The following CTNNA3 variants were observed in gnomAD, a reference collection of about 807,000 sequenced individuals.
CTNNA3 encodes catenin alpha 3.
A neutral mutation model predicts 95.7 loss-of-function variants in CTNNA3; 76 were observed. The observed-to-expected ratio is 0.79, with a 90% CI of 0.66 to 0.96. The LOEUF (loss-of-function observed/expected upper bound fraction) is 0.96. Among genes scored for constraint, CTNNA3 ranks in the 40% least tolerant of loss-of-function variants. CTNNA3 has a pLI of 0.00. For synonymous variants in CTNNA3, 431 were observed against 374.4 expected (o/e 1.15, Z -1.74); for missense variants, 1,191 against 1,089.8 (o/e 1.09, Z -1.31).
chr10:67,219,488 T>C (rs945242115), intron 6 of CTNNA3, 119 bp downstream of exon 6: 1 of 1,127,562 alleles, frequency 8.9e-7, no homozygotes, highest in Non-Finnish European at 1.2e-6. Context: ...TGATAGAGAC[T>C]AATCTGGATT....
chr10:67,241,560 C>T (rs1865718521), intron 5 of CTNNA3, among the ~76,000 whole-genome samples: 2 of 152,094 alleles, frequency 1.3e-5, no homozygotes, highest in Admixed American at 6.5e-5. Context: ...TTTAAGTTTT[C>T]TTGTGAGAAA....
intron 12 of CTNNA3, among the ~76,000 whole-genome samples, chr10:66,319,033 G>C (rs1034986792): frequency 6.6e-6 from 1 of 151,888 alleles, no homozygotes; most frequent in African/African-American, 2.4e-5. Flanking sequence ...TTAAGAAATC[G>C]AGTTATTAAA....
chr10:65,950,736 C>T (rs10996788), intron 17 of CTNNA3, among the ~76,000 whole-genome samples: 4,567 of 152,176 alleles, frequency 0.03, 88 homozygotes, highest in Middle Eastern at 0.075. Flanking sequence ...TAAATTCAGG[C>T]AAAATTCCTT....
chr10:66,167,733 T>A (rs2085207628), intron 13 of CTNNA3, among the ~76,000 whole-genome samples: 1 of 152,146 alleles, frequency 6.6e-6, no homozygotes, highest in Non-Finnish European at 1.5e-5. Context: ...AACAGTCAGA[T>A]CATGATGAAA....
At chr10:66,145,299 G>A (rs1055568199) in intron 13 of CTNNA3, among the ~76,000 whole-genome samples, 3 of 152,102 alleles carry the variant, frequency 2.0e-5, no homozygotes, top group African/African-American at 7.2e-5. Flanking sequence ...AAGACAAAGG[G>A]GAATGTACAT....
intron 5 of CTNNA3, among the ~76,000 whole-genome samples, chr10:67,256,859 T>G (rs990230314): frequency 1.4e-4 from 21 of 152,150 alleles, no homozygotes; most frequent in African/African-American, 5.1e-4. Context: ...AGTGGTACTT[T>G]TTTTAGTGAA....
chr10:66,959,413 T>C (rs1312478455), intron 7 of CTNNA3, among the ~76,000 whole-genome samples: 1 of 152,168 alleles, frequency 6.6e-6, no homozygotes, highest in Non-Finnish European at 1.5e-5. Context: ...AATCATTTAT[T>C]TTATGAAGAG....
At chr10:67,040,151 G>T (rs1854302629) in intron 7 of CTNNA3, among the ~76,000 whole-genome samples, 1 of 152,080 alleles carries the variant, frequency 6.6e-6, no homozygotes, top group Non-Finnish European at 1.5e-5. Context: ...CCAAAAATGT[G>T]CATGTTAAGT....
At chr10:67,617,823 C>T (rs1296980386) in intron 2 of CTNNA3, among the ~76,000 whole-genome samples, 1 of 145,030 alleles carries the variant, frequency 6.9e-6, no homozygotes, top group Non-Finnish European at 1.5e-5. Flanking sequence ...GAAATGTTAT[C>T]TCATTGTGGT....
intron 6 of CTNNA3, among the ~76,000 whole-genome samples, chr10:67,218,151 A>C (rs116433229): frequency 0.015 from 2,329 of 152,310 alleles, 60 homozygotes; most frequent in African/African-American, 0.053. Flanking sequence ...CAAGCATTTC[A>C]GATAAGGGAT....
chr10:67,471,623 C>T (rs1337464900), intron 5 of CTNNA3, among the ~76,000 whole-genome samples: 1 of 152,112 alleles, frequency 6.6e-6, no homozygotes, highest in Non-Finnish European at 1.5e-5. Flanking sequence ...GCAAATCCTT[C>T]TTGTTGAGGA....
At chr10:66,009,987 A>T (rs2078973206) in intron 15 of CTNNA3, among the ~76,000 whole-genome samples, 1 of 152,212 alleles carries the variant, frequency 6.6e-6, no homozygotes, top group Non-Finnish European at 1.5e-5. Context: ...TGGTTCTATT[A>T]GGTATTTCCA....
chr10:67,101,823 G>C lies in CTNNA3; in HGVS notation c.1047+78494C>G, dbSNP rs1432981225. ...ATTTGTTTTTGATTGTTCCTGACTAGAAGACAGATATCATCTCTCAAACTA... is the reference window on the plus strand; with the variant it reads ...ATTTGTTTTTGATTGTTCCTGACTACAAGACAGATATCATCTCTCAAACTA... On this transcript the variant is annotated intron_variant, in intron 7 of 17. Coordinates refer to ENST00000433211, the MANE Select transcript of CTNNA3 (RefSeq NM_013266.4). 2.6e-5 allele frequency among the ~76,000 whole-genome samples: 4 copies of C among 151,730 alleles called. No individual in the cohort carries two copies. In the East Asian group the frequency reaches 7.7e-4, roughly 29 times the overall value.
At chr10:67,580,623 C>T (rs1180170724) in intron 3 of CTNNA3, among the ~76,000 whole-genome samples, 2 of 150,566 alleles carry the variant, frequency 1.3e-5, no homozygotes, top group African/African-American at 2.5e-5. Flanking sequence ...ATGGGGATGG[C>T]ATTGAATCTA....
intron 5 of CTNNA3, chr10:67,334,270 T>C (rs548895857): frequency 6.5e-6 from 1 of 153,516 alleles, no homozygotes; most frequent in Non-Finnish European, 1.5e-5. Context: ...GGAACCTCAC[T>C]TGTTTTGTCA....
At chr10:67,129,983 T>C (rs1424655660) in intron 7 of CTNNA3, among the ~76,000 whole-genome samples, 1 of 152,190 alleles carries the variant, frequency 6.6e-6, no homozygotes, top group Non-Finnish European at 1.5e-5. Flanking sequence ...CATACTTAGA[T>C]ATTTTCTGAT....
chr10:66,423,291 G>A (rs1212363672), intron 11 of CTNNA3, among the ~76,000 whole-genome samples: 1 of 152,034 alleles, frequency 6.6e-6, no homozygotes, highest in Non-Finnish European at 1.5e-5. Context: ...GACTGCTGTG[G>A]ATGTTAAAAT....
intron 7 of CTNNA3, among the ~76,000 whole-genome samples, chr10:66,949,838 C>T (rs1230888535): frequency 6.6e-6 from 1 of 152,148 alleles, no homozygotes; most frequent in Non-Finnish European, 1.5e-5. Context: ...GTGATTCTAA[C>T]AATGTGTGCA....
At chr10:67,456,873 GC>G in intron 5 of CTNNA3, among the ~76,000 whole-genome samples, 1 of 152,096 alleles carries the variant, frequency 6.6e-6, no homozygotes, top group East Asian at 1.9e-4. Context: ...GGTGACTACT[GC>G]CCTGAAAATA....
Sources: gnomAD v4.1 joint callset for allele counts (sites outside exome capture counted in the v4.1 genomes callset) on GRCh38, gnomAD v4.1.1 for gene constraint, MANE v1.5 for transcripts, NCBI Gene and HGNC (gene_info 2026-07-23, HGNC 2026-07-21) for gene names.